PGPEP1: variants seen among roughly 807,000 people sequenced by gnomAD.
PGPEP1 encodes pyroglutamyl-peptidase 1.
PGPEP1 carries 15 observed loss-of-function variants against 24.1 expected under a neutral mutation model. The observed-to-expected ratio is 0.62, with a 90% CI of 0.42 to 0.96. The LOEUF (loss-of-function observed/expected upper bound fraction) is 0.96. Among genes scored for constraint, PGPEP1 ranks in the 40% least tolerant of loss-of-function variants. The pLI, the probability that PGPEP1 is intolerant of heterozygous loss-of-function variation, is 0.00. For missense variants in PGPEP1, 242 were observed against 273.4 expected, an observed-to-expected ratio of 0.89 and a Z score of 0.81; for synonymous variants, 122 against 116.4, an observed-to-expected ratio of 1.05 and a Z score of -0.31.
In PGPEP1 at chr19:18,363,440, C is replaced by A. The variant is rs200064429; in HGVS notation, c.487C>A (p.Arg163=). 1 of 1,613,928 alleles carries A rather than the reference C, an allele frequency of 6.2e-7. No homozygotes were observed. Among genetic ancestry groups the A allele is most frequent in the Non-Finnish European group, 8.5e-7 (1 of 1,179,828 alleles). The change falls in exon 5 of 5, where the codon CGA becomes AGA. Residue 163 remains arginine (R), a synonymous_variant. Transcript: ENST00000269919. ...YYTSLYQSHG[R]SAFVHVPPLG... The stretch of plus-strand genomic sequence containing the variant: ...CACCTCTTTGTACCAGAGTCACGGT[C>A]GATCAGCCTTCGTCCACGTGCCCCC...
At chr19:18,358,977 G>C (rs986382035) in intron 4 of PGPEP1, among the ~76,000 whole-genome samples, 4 of 152,036 alleles carry the variant, frequency 2.6e-5, no homozygotes, top group Non-Finnish European at 4.4e-5. Context: ...TGATTCTATT[G>C]CAAAAGGTCT....
intron 4 of PGPEP1, 177 bp downstream of exon 4, chr19:18,357,792 C>T (rs1971231305): frequency 3.3e-6 from 2 of 603,962 alleles, no homozygotes. Context: ...TCCTGGGACT[C>T]ATGGATCTGC....
intron 4 of PGPEP1, among the ~76,000 whole-genome samples, chr19:18,359,856 T>G (rs564582512): frequency 3.9e-5 from 6 of 152,056 alleles, no homozygotes; most frequent in African/African-American, 1.2e-4. Context: ...TCCTTGTGAC[T>G]TGTAGGCCTC....
At chr19:18,353,739 A>G (rs1007771037) in intron 2 of PGPEP1, among the ~76,000 whole-genome samples, 1 of 152,134 alleles carries the variant, frequency 6.6e-6, no homozygotes, top group Non-Finnish European at 1.5e-5. Context: ...GAATCATACA[A>G]TATGTGGCCT....
At chr19:18,347,572 T>C (rs573406889) in intron 2 of PGPEP1, among the ~76,000 whole-genome samples, 68 of 151,626 alleles carry the variant, frequency 4.5e-4, no homozygotes, top group Admixed American at 9.9e-4. Flanking sequence ...ATCTGTCTCT[T>C]TCCCCTTCTC....
chr19:18,344,698 C>T (rs111399616), intron 2 of PGPEP1, among the ~76,000 whole-genome samples: 18 of 152,144 alleles, frequency 1.2e-4, no homozygotes, highest in South Asian at 8.3e-4. Context: ...ACCCGCTCCC[C>T]GGAGAGCCAG....
chr19:18,343,036 G>C, intron 2 of PGPEP1, 125 bp downstream of exon 2: 2 of 695,094 alleles, frequency 2.9e-6, no homozygotes, highest in Non-Finnish European at 5.0e-6. Flanking sequence ...ATCTTACTCT[G>C]TCACCCAGGC....
intron 2 of PGPEP1, among the ~76,000 whole-genome samples, chr19:18,343,679 CT>C (rs3078437): frequency 0.035 from 4,019 of 115,000 alleles, 107 homozygotes; most frequent in African/African-American, 0.12. Context: ...GGATCTCCCT[CT>C]TTTTTTTTTT....
At chr19:18,345,759 G>A (rs954568841) in intron 2 of PGPEP1, among the ~76,000 whole-genome samples, 6 of 150,464 alleles carry the variant, frequency 4.0e-5, no homozygotes, top group Non-Finnish European at 7.4e-5. Flanking sequence ...AAGAAATTTG[G>A]CCAGGCACAG....
intron 2 of PGPEP1, among the ~76,000 whole-genome samples, chr19:18,346,235 G>C (rs10421763): frequency 6.6e-6 from 1 of 151,914 alleles, no homozygotes; most frequent in African/African-American, 2.4e-5. Flanking sequence ...CGCCCCTGGA[G>C]TTGCTGCTTG....
chr19:18,343,554 C>T (rs12978101), intron 2 of PGPEP1, among the ~76,000 whole-genome samples: 4 of 152,122 alleles, frequency 2.6e-5, no homozygotes, highest in South Asian at 2.1e-4. Context: ...CCCTGGCCAG[C>T]GGCTACAGAT....
chr19:18,358,778 C>T (rs1023966519), intron 4 of PGPEP1, among the ~76,000 whole-genome samples: 2 of 150,594 alleles, frequency 1.3e-5, no homozygotes, highest in African/African-American at 4.9e-5. Context: ...CCAGACCCAG[C>T]AAATTTTTTG....
intron 2 of PGPEP1, among the ~76,000 whole-genome samples, chr19:18,349,969 C>T (rs1970973347): frequency 6.6e-6 from 1 of 152,050 alleles, no homozygotes; most frequent in African/African-American, 2.4e-5. Context: ...CTCAAGTGGT[C>T]CGCCCCAGTA....
rs1249129397 is a variant in PGPEP1, at chr19:18,364,066, A to G, written c.*483A>G. The G allele has an allele frequency of 2.3e-5, 2 of 88,852 alleles. No individual in the cohort carries two copies. The highest frequency in any genetic ancestry group is 2.2e-5 in the Non-Finnish European group (1 of 44,604). 5.5% of individuals were successfully genotyped at this position (88,852 alleles called of 1,614,324 possible). On this transcript the variant is annotated 3_prime_UTR_variant, in exon 5 of 5. Coordinates refer to ENST00000269919, the MANE Select transcript of PGPEP1 (RefSeq NM_017712.4). The stretch of plus-strand genomic sequence containing the variant: ...TGGCCCTTTCTGGGGCCACCCTGGG[A>G]TATGGCTGGCTGGCTGGCTTTCTTT...
chr19:18,344,160 CTTG>C (rs10577313), intron 2 of PGPEP1, among the ~76,000 whole-genome samples: 82,637 of 151,326 alleles, frequency 0.55, 24,702 homozygotes, highest in Middle Eastern at 0.73. Context: ...ATATCTTGAC[CTTG>C]TAGGAAGGGG....
intron 2 of PGPEP1, among the ~76,000 whole-genome samples, chr19:18,344,595 T>C (rs1188262615): frequency 6.6e-6 from 1 of 150,990 alleles, no homozygotes; most frequent in Non-Finnish European, 1.5e-5. Flanking sequence ...TTTCCCTTTT[T>C]TTTTTTTCTT....
chr19:18,358,719 ATTC>A (rs1333329059), intron 4 of PGPEP1, among the ~76,000 whole-genome samples: 3 of 151,856 alleles, frequency 2.0e-5, no homozygotes, highest in Non-Finnish European at 2.9e-5. Flanking sequence ...GGCTCAAACA[ATTC>A]TTCTGCTCCA....
chr19:18,365,163 C>T lies in PGPEP1; in HGVS notation c.*1580C>T, dbSNP rs1172902235. 2 of 152,132 alleles carry T rather than the reference C, an allele frequency of 1.3e-5. No individual in the cohort carries two copies. 9.4% of individuals were successfully genotyped at this position (152,132 alleles called of 1,614,324 possible). On this transcript the variant is annotated 3_prime_UTR_variant, in exon 5 of 5. Transcript: ENST00000269919. ...TAAACTTCCTCAGATGATGTAAGTT[C>T]AGCCACATCTTGCTGCCCATTAGGG...
At position 18,357,624 on chromosome 19, in the gene PGPEP1, C is replaced by T; in HGVS notation, c.437+9C>T. 1.3e-6 allele frequency: 2 copies of T among 1,582,694 alleles called. No individual in the cohort carries two copies. Among genetic ancestry groups the T allele is most frequent in the Non-Finnish European group, 1.7e-6 (2 of 1,161,480 alleles). ...TCGCAGGATGCCGGCAGGTAGGGCC[C>T]TGTGGGGTGGGAGTGAGTGGGGATT... On this transcript the variant is annotated intron_variant, in intron 4 of 4. Coordinates refer to ENST00000269919, the MANE Select transcript of PGPEP1 (RefSeq NM_017712.4).
Sources: allele counts gnomAD v4.1 joint callset (sites outside exome capture counted in the v4.1 genomes callset), GRCh38; gene constraint gnomAD v4.1.1; transcripts MANE v1.5; gene names NCBI Gene and HGNC (gene_info 2026-07-23, HGNC 2026-07-21).